DGLUCY: variants seen among roughly 807,000 people sequenced by gnomAD.
DGLUCY encodes the protein D-glutamate cyclase, mitochondrial.
A neutral mutation model predicts 58.5 loss-of-function variants in DGLUCY; 58 were observed. The observed-to-expected ratio is 0.99, with a 90% CI of 0.80 to 1.23. The LOEUF is 1.23. DGLUCY is among the 50% of genes most tolerant of loss of function. DGLUCY has a pLI of 0.00. For synonymous variants in DGLUCY, 325 were observed against 314.1 expected (o/e 1.03, Z -0.37); for missense variants, 779 against 784.7 (o/e 0.99, Z 0.09).
At chr14:91,165,919 A>G (rs922665546) in intron 3 of DGLUCY, among the ~76,000 whole-genome samples, 1 of 152,224 alleles carries the variant, frequency 6.6e-6, no homozygotes, top group Non-Finnish European at 1.5e-5. Context: ...ACCATTTGTC[A>G]TAACCCCAAA....
intron 9 of DGLUCY, among the ~76,000 whole-genome samples, chr14:91,189,508 G>A (rs1184024942): frequency 3.3e-5 from 5 of 152,174 alleles, no homozygotes; most frequent in African/African-American, 9.7e-5. Context: ...ACCAGAGCTG[G>A]GGAGAGTAGT....
chr14:91,117,702 A>G (rs2045067911), intron 1 of DGLUCY, among the ~76,000 whole-genome samples: 1 of 151,960 alleles, frequency 6.6e-6, no homozygotes, highest in Non-Finnish European at 1.5e-5. Context: ...ACTGTAAAAT[A>G]TTTGAAGAGA....
intron 7 of DGLUCY, 119 bp from the exon 8 acceptor site, chr14:91,181,067 G>T: frequency 1.2e-6 from 1 of 835,056 alleles, no homozygotes. Context: ...GGTGGTATAG[G>T]GAGTGCTTAG....
At chr14:91,072,908 C>T (rs2043947756) in intron 1 of DGLUCY, among the ~76,000 whole-genome samples, 1 of 151,862 alleles carries the variant, frequency 6.6e-6, no homozygotes, top group Admixed American at 6.6e-5. Flanking sequence ...ACTCGGGAGG[C>T]TGAGGCATGA....
intron 1 of DGLUCY, among the ~76,000 whole-genome samples, chr14:91,154,917 G>A (rs1053400038): frequency 5.9e-5 from 9 of 152,002 alleles, no homozygotes; most frequent in Non-Finnish European, 1.3e-4. Context: ...CCCAGCTCCC[G>A]CCACCTCCTG....
intron 1 of DGLUCY, among the ~76,000 whole-genome samples, chr14:91,062,558 AATATATATATATATATAT>A (rs1157690131): frequency 6.3e-4 from 15 of 23,694 alleles, no homozygotes; most frequent in African/African-American, 2.7e-3. Context: ...AAAAAAAAAA[AATATATATATATATATAT>A]ATATATATAT....
intron 1 of DGLUCY, among the ~76,000 whole-genome samples, chr14:91,087,460 C>T (rs935183989): frequency 5.9e-5 from 9 of 152,218 alleles, no homozygotes; most frequent in South Asian, 2.1e-4. Context: ...ATTTGCTAGC[C>T]GTAATAAAGA....
At chr14:91,146,117 C>T (rs1595754626) in intron 1 of DGLUCY, among the ~76,000 whole-genome samples, 1 of 152,176 alleles carries the variant, frequency 6.6e-6, no homozygotes, top group Non-Finnish European at 1.5e-5. Flanking sequence ...AAGCCATCCA[C>T]CCTCCTCAGC....
At chr14:91,110,430 C>CTTTTTTTTTTT (rs10711938), upstream of DGLUCY, among the ~76,000 whole-genome samples, 3 of 88,046 alleles carry the variant, frequency 3.4e-5, no homozygotes, top group Non-Finnish European at 2.3e-5. Context: ...TTCTTTCTTT[C>CTTTTTTTTTTT]TTTTTTTTTT....
intron 1 of DGLUCY, among the ~76,000 whole-genome samples, chr14:91,069,722 A>G (rs115777323): frequency 0.011 from 1,624 of 151,964 alleles, 25 homozygotes; most frequent in African/African-American, 0.033. Context: ...CAGCCTTCCA[A>G]GTAGCTGGAA....
chr14:91,171,048 T>G (rs1468728961), intron 5 of DGLUCY, among the ~76,000 whole-genome samples: 1 of 152,014 alleles, frequency 6.6e-6, no homozygotes, highest in Admixed American at 6.6e-5. Context: ...TAGGGAAGGG[T>G]GGGGATGGGA....
intron 13 of DGLUCY, among the ~76,000 whole-genome samples, chr14:91,218,784 A>G (rs1410904703): frequency 6.6e-6 from 1 of 152,150 alleles, no homozygotes; most frequent in Non-Finnish European, 1.5e-5. Flanking sequence ...GGCTTGCTCT[A>G]GGGGACAATG....
rs2045494909 is a variant in DGLUCY, at chr14:91,123,358, A to G, written c.-82+9075A>G. Among the ~76,000 whole-genome samples, 2 of 152,186 alleles carry G rather than the reference A, an allele frequency of 1.3e-5. 1 individual carries two copies. Among genetic ancestry groups the G allele is most frequent in the South Asian group, 4.1e-4 (2 of 4,834 alleles). ...CACTTGATATTAGCGCACATCTTGAAGCAATAAACGCTGCCCTGGCAGGCC... is the reference window on the plus strand; with the variant it reads ...CACTTGATATTAGCGCACATCTTGAGGCAATAAACGCTGCCCTGGCAGGCC... On this transcript the variant is annotated intron_variant, in intron 1 of 13. Coordinates refer to ENST00000256324, the MANE Select transcript of DGLUCY (RefSeq NM_001102368.3).
At chr14:91,204,622 CA>C in intron 11 of DGLUCY, 83 bp from the exon 12 acceptor site, 1 of 1,545,270 alleles carries the variant, frequency 6.5e-7, no homozygotes, top group Non-Finnish European at 8.8e-7. Flanking sequence ...CCAAAGGCAA[CA>C]AGCACATGTA....
intron 7 of DGLUCY, among the ~76,000 whole-genome samples, chr14:91,178,171 CT>C (rs11289852): frequency 0.038 from 5,598 of 145,702 alleles, 299 homozygotes; most frequent in African/African-American, 0.12. Context: ...CTCAAATTCC[CT>C]TTTTTTTTTT....
chr14:91,092,966 C>T (rs1403315859), intron 1 of DGLUCY, among the ~76,000 whole-genome samples: 2 of 151,928 alleles, frequency 1.3e-5, no homozygotes, highest in Non-Finnish European at 2.9e-5. Context: ...CGCCTATGGT[C>T]CCAGCTACTC....
intron 10 of DGLUCY, among the ~76,000 whole-genome samples, chr14:91,197,353 TCTCAGC>T (rs570297438): frequency 1.0e-3 from 152 of 152,144 alleles, no homozygotes; most frequent in African/African-American, 3.5e-3. Context: ...GATCCACCTG[TCTCAGC>T]CTCCCAAAGT....
chr14:91,171,019 C>T (rs552672674), intron 5 of DGLUCY, among the ~76,000 whole-genome samples: 7 of 152,230 alleles, frequency 4.6e-5, no homozygotes, highest in Admixed American at 1.3e-4. Context: ...GAAGTGTGCC[C>T]GAGCGGTTCT....
intron 12 of DGLUCY, among the ~76,000 whole-genome samples, chr14:91,208,454 G>C (rs1885121829): frequency 6.6e-6 from 1 of 152,096 alleles, no homozygotes; most frequent in South Asian, 2.1e-4. Context: ...GTGTAGAAGT[G>C]ACCCAAATGA....
Sources: gnomAD v4.1 joint callset for allele counts (sites outside exome capture counted in the v4.1 genomes callset) on GRCh38, gnomAD v4.1.1 for gene constraint, MANE v1.5 for transcripts, NCBI Gene and HGNC (gene_info 2026-07-23, HGNC 2026-07-21) for gene names.